SRGAP2B: variants seen among roughly 807,000 people sequenced by gnomAD.
The protein encoded by SRGAP2B is SLIT-ROBO Rho GTPase activating protein 2B.
SRGAP2B carries 9 observed loss-of-function variants against 22.2 expected under a neutral mutation model. That is an observed-to-expected ratio of 0.41 (90% CI 0.24 to 0.71). SRGAP2B has a LOEUF of 0.71. Ranked by LOEUF, SRGAP2B falls within the 30% of genes least tolerant of loss-of-function variation. The pLI, the probability that SRGAP2B is intolerant of heterozygous loss-of-function variation, is 0.35. For synonymous variants in SRGAP2B, 36 were observed against 87.4 expected, an observed-to-expected ratio of 0.41 and a Z score of 3.28; for missense variants, 114 against 235.8, an observed-to-expected ratio of 0.48 and a Z score of 3.38.
chr1:145,080,351 A>G (rs1652814051), intron 2 of SRGAP2B, among the ~76,000 whole-genome samples: 2 of 148,110 alleles, frequency 1.4e-5, no homozygotes, highest in African/African-American at 5.2e-5. Flanking sequence ...TACTTCAACA[A>G]GTATCACTTC....
At chr1:145,012,472 A>T (rs1672127510) in intron 2 of SRGAP2B, among the ~76,000 whole-genome samples, 1 of 139,820 alleles carries the variant, frequency 7.2e-6, no homozygotes, top group African/African-American at 2.8e-5. Context: ...CAAAGGAGAG[A>T]TGCATTATCT....
Position 144,970,046 on chromosome 1 carries a change from G to T in SRGAP2B, c.261-14445C>A, listed in dbSNP as rs1171960138. 2.0e-5 allele frequency among the ~76,000 whole-genome samples: 3 copies of T among 149,934 alleles called. No individual in the cohort carries two copies. In the East Asian group the frequency reaches 5.9e-4, roughly 29 times the overall value. On this transcript the variant is annotated intron_variant, in intron 3 of 9. Transcript: ENST00000612199. ...AAATACAAACACTTTTACACTGTTGGTGGGACTGTAAACTAGTTCAACCAT... is the reference window on the plus strand; with the variant it reads ...AAATACAAACACTTTTACACTGTTGTTGGGACTGTAAACTAGTTCAACCAT...
chr1:144,987,290 C>T (rs1570933935), intron 3 of SRGAP2B, among the ~76,000 whole-genome samples: 1 of 151,810 alleles, frequency 6.6e-6, no homozygotes, highest in East Asian at 1.9e-4. Flanking sequence ...AACTACACTT[C>T]CCAGCCTCCC....
At chr1:144,954,536 C>T (rs1462297837) in intron 4 of SRGAP2B, among the ~76,000 whole-genome samples, 7 of 150,460 alleles carry the variant, frequency 4.7e-5, no homozygotes, top group Admixed American at 4.6e-4. Context: ...GAAAGTCTTC[C>T]GGGGATGTCA....
At chr1:144,994,892 C>G in intron 3 of SRGAP2B, 116 bp downstream of exon 3, 1 of 597,204 alleles carries the variant, frequency 1.7e-6, no homozygotes, top group Non-Finnish European at 2.7e-6. Context: ...GGCTTTCAAC[C>G]AATCTGAAGC....
intron 3 of SRGAP2B, among the ~76,000 whole-genome samples, chr1:144,966,248 C>T (rs1215094987): frequency 4.0e-5 from 6 of 149,776 alleles, no homozygotes; most frequent in Non-Finnish European, 7.4e-5. Flanking sequence ...AGAGAAAGGT[C>T]GGGTTACCCT....
chr1:144,934,403 CAAAAAAAAAAAA>C (rs782588401), intron 4 of SRGAP2B, among the ~76,000 whole-genome samples: 3 of 40,692 alleles, frequency 7.4e-5, no homozygotes, highest in Non-Finnish European at 1.5e-4. Flanking sequence ...AACTCCATCT[CAAAAAAAAAAAA>C]AAAAAAAAAA....
chr1:144,910,616 G>C (rs1330662127), intron 5 of SRGAP2B, among the ~76,000 whole-genome samples: 1 of 134,372 alleles, frequency 7.4e-6, no homozygotes, highest in Non-Finnish European at 1.6e-5. Context: ...CTCAATTCTA[G>C]AGCTTCCTTG....
intron 2 of SRGAP2B, among the ~76,000 whole-genome samples, chr1:145,082,086 AAAAC>A (rs1273629578): frequency 2.1e-5 from 3 of 145,872 alleles, no homozygotes; most frequent in Non-Finnish European, 4.5e-5. Flanking sequence ...ACAAACAAAA[AAAAC>A]AAAGAGAATA....
chr1:144,943,481 T>A (rs1214015331), intron 4 of SRGAP2B, among the ~76,000 whole-genome samples: 1 of 151,438 alleles, frequency 6.6e-6, no homozygotes, highest in Non-Finnish European at 1.5e-5. Context: ...ATAACATACA[T>A]CTACTATAAA....
At chr1:144,929,423 A>G (rs1665015634) in intron 4 of SRGAP2B, among the ~76,000 whole-genome samples, 1 of 150,482 alleles carries the variant, frequency 6.6e-6, no homozygotes, top group African/African-American at 2.5e-5. Context: ...TTCTTCTAAG[A>G]GTTTTATAGT....
intron 4 of SRGAP2B, among the ~76,000 whole-genome samples, chr1:144,924,906 T>C (rs1553604753): frequency 6.7e-6 from 1 of 149,424 alleles, no homozygotes; most frequent in East Asian, 1.9e-4. Flanking sequence ...ATTTATCTAG[T>C]TCCCATTTTA....
chr1:144,997,529 T>C (rs1457166751), intron 2 of SRGAP2B, among the ~76,000 whole-genome samples: 1 of 149,898 alleles, frequency 6.7e-6, no homozygotes, highest in Non-Finnish European at 1.5e-5. Context: ...GGATGGGCAG[T>C]AAGGCTGTCA....
intron 4 of SRGAP2B, among the ~76,000 whole-genome samples, chr1:144,927,006 G>A (rs1664784415): frequency 6.6e-6 from 1 of 151,666 alleles, no homozygotes; most frequent in Admixed American, 6.6e-5. Context: ...CTGGAGTGTA[G>A]TGGCATGATC....
intron 2 of SRGAP2B, among the ~76,000 whole-genome samples, chr1:145,011,823 AC>A (rs1672074370): frequency 6.7e-6 from 1 of 149,542 alleles, no homozygotes; most frequent in South Asian, 2.1e-4. Flanking sequence ...TACTCTCCAC[AC>A]TGCAGCCCTG....
At chr1:145,089,977 A>C (rs1653819467) in intron 2 of SRGAP2B, among the ~76,000 whole-genome samples, 1 of 146,130 alleles carries the variant, frequency 6.8e-6, no homozygotes, top group Admixed American at 6.6e-5. Context: ...AACTTGCCTG[A>C]AGTGAAAGGC....
At chr1:144,915,687 T>C (rs1311529674) in intron 4 of SRGAP2B, among the ~76,000 whole-genome samples, 1 of 151,004 alleles carries the variant, frequency 6.6e-6, no homozygotes, top group African/African-American at 2.5e-5. Context: ...GATTGCGCCA[T>C]TGCACTCCAG....
intron 4 of SRGAP2B, among the ~76,000 whole-genome samples, chr1:144,930,531 T>C (rs1665088077): frequency 6.8e-6 from 1 of 146,260 alleles, no homozygotes; most frequent in South Asian, 2.2e-4. Context: ...TACAAGAAAT[T>C]CTAAAAATTG....
At chr1:144,997,076 C>T (rs1670736725) in intron 2 of SRGAP2B, among the ~76,000 whole-genome samples, 1 of 150,476 alleles carries the variant, frequency 6.6e-6, no homozygotes, top group Admixed American at 6.6e-5. Flanking sequence ...GGTGGGCAGA[C>T]TGTACATTGA....
Sources: allele counts gnomAD v4.1 joint callset (sites outside exome capture counted in the v4.1 genomes callset), GRCh38; gene constraint gnomAD v4.1.1; transcripts MANE v1.5; gene names NCBI Gene and HGNC (gene_info 2026-07-23, HGNC 2026-07-21).